KIRREL3: variants seen among roughly 807,000 people sequenced by gnomAD.
KIRREL3 encodes the protein kin of IRRE-like protein 3.
Under a neutral mutation model 89.7 loss-of-function variants are expected in KIRREL3, and 36 were observed. That is an observed-to-expected ratio of 0.40 (90% confidence interval 0.31 to 0.53). The LOEUF is 0.53. Among genes scored for constraint, KIRREL3 ranks in the 20% least tolerant of loss-of-function variants. KIRREL3 has a pLI of 0.49. For missense variants in KIRREL3, 864 were observed against 1,056.6 expected, an observed-to-expected ratio of 0.82 and a Z score of 2.53; for synonymous variants, 445 against 441.4, an observed-to-expected ratio of 1.01 and a Z score of -0.10.
At chr11:126,707,280 A>G (rs1269649450) in intron 1 of KIRREL3, among the ~76,000 whole-genome samples, 1 of 141,852 alleles carries the variant, frequency 7.0e-6, no homozygotes, top group Non-Finnish European at 1.5e-5. Context: ...TTGACTGTAC[A>G]TACATCACAC....
chr11:126,899,169 C>CTA (rs145812391), intron 1 of KIRREL3, among the ~76,000 whole-genome samples: 3,872 of 150,450 alleles, frequency 0.026, 136 homozygotes, highest in African/African-American at 0.078. Flanking sequence ...GGGAGATTTC[C>CTA]TATATATATA....
At chr11:126,502,395 T>C (rs1957890794) in intron 4 of KIRREL3, among the ~76,000 whole-genome samples, 1 of 152,210 alleles carries the variant, frequency 6.6e-6, no homozygotes, top group African/African-American at 2.4e-5. Context: ...CAGCTCCTCC[T>C]GCCCAGGCAC....
In KIRREL3 at chr11:126,955,499, G is replaced by A. The variant is rs1034572835; in HGVS notation, c.55+44956C>T. Among the ~76,000 whole-genome samples, 13 of 152,186 alleles carry A rather than the reference G, an allele frequency of 8.5e-5. No homozygotes were observed. The highest frequency in any genetic ancestry group is 1.3e-4 in the Non-Finnish European group (9 of 68,034). ...CTCCCTTCCCTGCATGGCAAGGCAC[G>A]AAGGTGGTCTGATGTGGATTCCAGG... On this transcript the variant is annotated intron_variant, in intron 1 of 16. Coordinates refer to ENST00000525144, the MANE Select transcript of KIRREL3 (RefSeq NM_032531.4). The surrounding 1 kb of genome is among the most constrained non-coding windows in gnomAD (Gnocchi z 4.6).
intron 3 of KIRREL3, among the ~76,000 whole-genome samples, chr11:126,524,977 T>C (rs904593745): frequency 1.3e-5 from 2 of 152,158 alleles, no homozygotes; most frequent in Non-Finnish European, 2.9e-5. Context: ...TGGCTCTGTA[T>C]GGAGAGGCAA....
At chr11:126,926,560 C>T (rs117907660) in intron 1 of KIRREL3, among the ~76,000 whole-genome samples, 5,840 of 152,262 alleles carry the variant, frequency 0.038, 146 homozygotes, top group Non-Finnish European at 0.063. Flanking sequence ...TCTCTACACA[C>T]GTCCCTTGCC....
chr11:126,967,929 A>G (rs1022670856), intron 1 of KIRREL3, among the ~76,000 whole-genome samples: 66 of 152,154 alleles, frequency 4.3e-4, no homozygotes, highest in African/African-American at 1.5e-3. Flanking sequence ...CAAGGTTGAG[A>G]AATCTTGTCA....
Position 126,954,919 on chromosome 11 carries a change from A to G in KIRREL3, c.55+45536T>C, listed in dbSNP as rs1948879367. ...GCACCTCAAACATACTGTGTGGGCA[A>G]CAACTCTGTCTCTTGCATTCCCTCT... is the stretch of plus-strand genomic sequence containing the variant. On this transcript the variant is annotated intron_variant, in intron 1 of 16. Coordinates refer to ENST00000525144, the MANE Select transcript of KIRREL3 (RefSeq NM_032531.4). This position sits in a 1 kb window ranked among gnomAD's most constrained non-coding sequence, Gnocchi z 4.1. Among the ~76,000 whole-genome samples, 1 of 152,226 alleles carries G rather than the reference A, an allele frequency of 6.6e-6. No homozygotes were observed. Among genetic ancestry groups the G allele is most frequent in the Non-Finnish European group, 1.5e-5 (1 of 68,046 alleles).
In KIRREL3 at chr11:126,565,409, A is replaced by G. The variant is rs1218555056; in HGVS notation, c.56-2497T>C. ...TGAGCAGGAAAAGAAGTTTTAAAAAACCTGATTAATAAAAGAAATTGAGAA... is the reference window on the plus strand; with the variant it reads ...TGAGCAGGAAAAGAAGTTTTAAAAAGCCTGATTAATAAAAGAAATTGAGAA... On this transcript the variant is annotated intron_variant, in intron 1 of 16. Transcript: ENST00000525144. This position sits in a 1 kb window ranked among gnomAD's most constrained non-coding sequence, Gnocchi z 5.4. Among the ~76,000 whole-genome samples, 16 of 152,154 alleles carry G rather than the reference A, an allele frequency of 1.1e-4. No homozygotes were observed.
chr11:126,853,972 A>T (rs1944422708), intron 1 of KIRREL3, among the ~76,000 whole-genome samples: 1 of 152,174 alleles, frequency 6.6e-6, no homozygotes, highest in Non-Finnish European at 1.5e-5. Flanking sequence ...TTGCATCAAC[A>T]AGTAGTGCAC....
rs186786539 is a variant in KIRREL3, at chr11:126,928,575, C to T, written c.55+71880G>A. 9.2e-4 allele frequency among the ~76,000 whole-genome samples: 140 copies of T among 152,104 alleles called. 1 individual carries two copies. Among genetic ancestry groups the T allele is most frequent in the Admixed American group, 2.4e-3 (37 of 15,276 alleles). On this transcript the variant is annotated intron_variant, in intron 1 of 16. Transcript: ENST00000525144. ...GAAGCCTGGGACCCCGACGTGGTGG[C>T]GAAAATCAGGGAAAAGGCAGGACTG... is the stretch of plus-strand genomic sequence containing the variant.
At chr11:126,829,694 TATAGTGTGGTCAAA>T (rs776115000) in intron 1 of KIRREL3, among the ~76,000 whole-genome samples, 1 of 152,210 alleles carries the variant, frequency 6.6e-6, no homozygotes, top group Non-Finnish European at 1.5e-5. Context: ...GCATAGGGAC[TATAGTGTGGTCAAA>T]ATAGGAAGAG....
chr11:126,897,802 T>C lies in KIRREL3; in HGVS notation c.55+102653A>G, dbSNP rs1429764582. Among the ~76,000 whole-genome samples the C allele has an allele frequency of 2.0e-5, 3 of 152,236 alleles. No individual in the cohort carries two copies. The highest frequency in any genetic ancestry group is 4.4e-5 in the Non-Finnish European group (3 of 68,044). On this transcript the variant is annotated intron_variant, in intron 1 of 16. Transcript: ENST00000525144. The surrounding 1 kb of genome is among the most constrained non-coding windows in gnomAD (Gnocchi z 4.2). ...AATTTAATGACCCTCTGATATAAAA[T>C]TGATCCTCTGATAAGATGGCACTTG...
At chr11:126,979,356 G>A (rs909683385) in intron 1 of KIRREL3, among the ~76,000 whole-genome samples, 1 of 152,220 alleles carries the variant, frequency 6.6e-6, no homozygotes, top group Non-Finnish European at 1.5e-5. Context: ...ACTAGCACAA[G>A]TAATAGGCCT....
In KIRREL3 at chr11:126,489,691, C is replaced by G. The variant is rs1245740432; in HGVS notation, c.434-16225G>C. On this transcript the variant is annotated intron_variant, in intron 4 of 16. Coordinates refer to ENST00000525144, the MANE Select transcript of KIRREL3 (RefSeq NM_032531.4). This position sits in a 1 kb window ranked among gnomAD's most constrained non-coding sequence, Gnocchi z 5.5. ...CTCTGCATTCCCCACTCTCCACCTT[C>G]CACCACCCCTTTCTCAGGGGCCCAT... 1.3e-5 allele frequency among the ~76,000 whole-genome samples: 2 copies of G among 152,172 alleles called. No individual in the cohort carries two copies. The highest frequency in any genetic ancestry group is 4.8e-5 in the African/African-American group (2 of 41,438).
chr11:126,470,057 T>C (rs1462541619), intron 5 of KIRREL3, among the ~76,000 whole-genome samples: 2 of 152,178 alleles, frequency 1.3e-5, no homozygotes, highest in East Asian at 3.8e-4. Flanking sequence ...TGCTGTGCAG[T>C]AGTATGGTAC....
At chr11:126,663,181 G>GTT (rs1177712221) in intron 1 of KIRREL3, among the ~76,000 whole-genome samples, 1 of 107,654 alleles carries the variant, frequency 9.3e-6, no homozygotes, top group Non-Finnish European at 2.0e-5. Context: ...ATCATGTCTG[G>GTT]CTTTTTTTTT....
chr11:126,485,762 C>G lies in KIRREL3; in HGVS notation c.434-12296G>C, dbSNP rs73031061. Among the ~76,000 whole-genome samples, 125 of 152,332 alleles carry G rather than the reference C, an allele frequency of 8.2e-4. No individual in the cohort carries two copies. The highest frequency in any genetic ancestry group is 1.3e-3 in the Non-Finnish European group (86 of 68,030). ...CTTGTTCCATGCCCAGCCCTGGACT[C>G]CTGAGATGGAATGGTCAGTACCTTG... On this transcript the variant is annotated intron_variant, in intron 4 of 16. Transcript: ENST00000525144. This position sits in a 1 kb window ranked among gnomAD's most constrained non-coding sequence, Gnocchi z 5.8.
chr11:126,973,228 G>A (rs902744761), intron 1 of KIRREL3, among the ~76,000 whole-genome samples: 7 of 152,010 alleles, frequency 4.6e-5, no homozygotes, highest in Non-Finnish European at 8.8e-5. Flanking sequence ...TTTATGCTGA[G>A]GGAGTCTTCT....
chr11:126,737,709 G>A (rs747153924), intron 1 of KIRREL3, among the ~76,000 whole-genome samples: 7 of 152,026 alleles, frequency 4.6e-5, no homozygotes, highest in Non-Finnish European at 8.8e-5. Flanking sequence ...GGCTTTTTTC[G>A]GTTTCTTAAT....
Sources: allele counts gnomAD v4.1 joint callset (sites outside exome capture counted in the v4.1 genomes callset), GRCh38; gene constraint gnomAD v4.1.1; non-coding constraint Gnocchi (gnomAD v3.1); transcripts MANE v1.5; gene names NCBI Gene and HGNC (gene_info 2026-07-23, HGNC 2026-07-21).